Variants in GTPBP6 observed in about 807,000 individuals in gnomAD.
GTPBP6 encodes GTP binding protein 6.
Under a neutral mutation model 28.9 loss-of-function variants are expected in GTPBP6, and 33 were observed. The ratio of observed to expected loss-of-function variants is 1.14; its 90% CI spans 0.87 to 1.53. The LOEUF is 1.53. Among genes scored for constraint, GTPBP6 ranks in the 40% most tolerant of loss-of-function variants. GTPBP6 has a pLI of 0.00. For synonymous variants in GTPBP6, 231 were observed against 192.7 expected (o/e 1.20, Z -1.65); for missense variants, 507 against 408.3 (o/e 1.24, Z -2.08).
intron 2 of GTPBP6, among the ~76,000 whole-genome samples, chrX:316,178 ACACAG>A (rs2070435666): frequency 5.6e-5 from 1 of 18,008 alleles, no homozygotes. Flanking sequence ...ACAGACACAC[ACACAG>A]ACACATACAC....
In GTPBP6 at chrX:305,214, G is replaced by T; in HGVS notation, c.1428-17C>A. 6.3e-7 allele frequency: 1 copy of T among 1,587,722 alleles called. No individual in the cohort carries two copies. The highest frequency in any genetic ancestry group is 8.6e-7 in the Non-Finnish European group (1 of 1,156,118). On this transcript the variant is annotated splice_polypyrimidine_tract_variant and intron_variant, in intron 9 of 9. Coordinates refer to ENST00000326153, the Ensembl canonical transcript of GTPBP6. ...TACAGCCAGCTGGGCACAGATGCGC[G>T]TTGTATGGAGACAAGCAGAACCCGT...
chrX:308,628 C>T (rs748995206), intron 7 of GTPBP6, among the ~76,000 whole-genome samples: 3 of 151,336 alleles, frequency 2.0e-5, no homozygotes, highest in South Asian at 2.1e-4. Flanking sequence ...TGCAGTGAGC[C>T]GAGATCATAC....
At chrX:306,626 AT>A (rs1408057175) in intron 9 of GTPBP6, among the ~76,000 whole-genome samples, 2 of 148,570 alleles carry the variant, frequency 1.3e-5, no homozygotes, top group African/African-American at 2.5e-5. Context: ...AGAAATGTAC[AT>A]TTTGACTGTC....
At chrX:305,749 C>T (rs1197562106) in intron 9 of GTPBP6, among the ~76,000 whole-genome samples, 5 of 150,282 alleles carry the variant, frequency 3.3e-5, no homozygotes, top group South Asian at 4.2e-4. Context: ...CTTAGCCTCC[C>T]GAGTAGCTGG....
chrX:307,230 C>T (rs1199396529), intron 9 of GTPBP6, 130 bp downstream of exon 9: 8 of 774,416 alleles, frequency 1.0e-5, no homozygotes, highest in Non-Finnish European at 1.6e-5. Flanking sequence ...CAAACCCATT[C>T]ATCTCGTCTG....
intron 8 of GTPBP6, 68 bp from the exon 9 acceptor site, chrX:307,580 G>A (rs1829204392): frequency 1.6e-5 from 24 of 1,539,842 alleles, no homozygotes; most frequent in African/African-American, 2.7e-5. Context: ...AGGGTCCCCA[G>A]GAGTCCACTG....
At chrX:313,054 C>T in intron 5 of GTPBP6, 130 bp from the exon 6 acceptor site, 1 of 729,392 alleles carries the variant, frequency 1.4e-6, no homozygotes. Flanking sequence ...CGGCTGCTTT[C>T]CCCAGCAGCG....
At chrX:304,937 C>T in exon 10 of GTPBP6, 1 of 1,467,594 alleles carries the variant, frequency 6.8e-7, no homozygotes, top group East Asian at 2.5e-5. Flanking sequence ...CAGCAAATGG[C>T]TGGGAGCGAG....
chrX:312,014 A>G (rs2070311137), intron 6 of GTPBP6: 1 of 499,030 alleles, frequency 2.0e-6, no homozygotes, highest in Admixed American at 2.6e-5. Flanking sequence ...GATGGTGTAG[A>G]TGGGTGGATA....
At chrX:311,923 C>T (rs2070309260) in intron 6 of GTPBP6, 1 of 586,388 alleles carries the variant, frequency 1.7e-6, no homozygotes. Flanking sequence ...GTAGATTTGG[C>T]AATGGCGTAG....
intron 7 of GTPBP6, among the ~76,000 whole-genome samples, 198 bp from the exon 8 acceptor site, chrX:308,078 A>T (rs2070210953): frequency 6.6e-6 from 1 of 152,094 alleles, no homozygotes; most frequent in Non-Finnish European, 1.5e-5. Flanking sequence ...ACCCGGCTGC[A>T]CTTACCCAAC....
At position 311,445 on chromosome X, in the gene GTPBP6, C is replaced by A. The variant is rs370334798; in HGVS notation, c.1099G>T (p.Ala367Ser). 89 of 1,456,774 alleles carry A rather than the reference C, an allele frequency of 6.1e-5. No homozygotes were observed. In the African/African-American group the frequency reaches 1.3e-3, roughly 22 times the overall value. 90.2% of individuals were successfully genotyped at this position (1,456,774 alleles called of 1,614,324 possible). The stretch of plus-strand genomic sequence containing the variant: ...GAGTGGGCCACGTCTTCCAGGGTGG[C>A]GGAGAAGGACTCGATGAGGCCGTGC... Residue 367 changes from alanine (A) to serine (S), a missense_variant, in exon 7 of 10, where the codon GCC (alanine) becomes TCC (serine). Coordinates refer to ENST00000326153, the Ensembl canonical transcript of GTPBP6.
intron 6 of GTPBP6, 90 bp from the exon 7 acceptor site, chrX:311,717 CA>C: frequency 9.1e-7 from 1 of 1,101,652 alleles, no homozygotes; most frequent in Non-Finnish European, 1.4e-6. Context: ...GAGACCACGG[CA>C]CCCTCTGGGG....
chrX:311,525 G>A (rs1311652528), exon 7 of GTPBP6: 4 of 1,612,164 alleles, frequency 2.5e-6, no homozygotes, highest in African/African-American at 1.3e-5. Context: ...CATGCGTGAG[G>A]GCAGCGTGCC....
intron 5 of GTPBP6, 122 bp from the exon 6 acceptor site, chrX:313,046 G>A: frequency 1.3e-6 from 1 of 788,122 alleles, no homozygotes; most frequent in Admixed American, 2.8e-5. Context: ...TGGGGGCCCG[G>A]CTGCTTTCCC....
chrX:305,088 G>A lies in GTPBP6; in HGVS notation c.1537C>T (p.Leu513Phe). ...TGGGCGTCCGTTCATCCTGGAAAGAGCTTCCGGAATTTGCCGTAGGCTGAG... is the reference window on the plus strand; with the variant it reads ...TGGGCGTCCGTTCATCCTGGAAAGAACTTCCGGAATTTGCCGTAGGCTGAG... Residue 513 changes from leucine (L) to phenylalanine (F), a missense_variant, in exon 10 of 10, where the codon CTC becomes TTC. Coordinates refer to ENST00000326153, the Ensembl canonical transcript of GTPBP6. 4 of 1,613,190 alleles carry A rather than the reference G, an allele frequency of 2.5e-6. No individual in the cohort carries two copies. The South Asian group carries it at 4.4e-5, about 18-fold the overall frequency.
At chrX:317,601 C>T (rs1438463645) in intron 1 of GTPBP6, among the ~76,000 whole-genome samples, 2 of 151,324 alleles carry the variant, frequency 1.3e-5, no homozygotes, top group African/African-American at 4.9e-5. Flanking sequence ...CGCTGGACGC[C>T]CTCCCTTCCC....
At chrX:311,245 G>T (rs1284823000) in intron 7 of GTPBP6, among the ~76,000 whole-genome samples, 174 bp downstream of exon 7, 3,126 of 79,630 alleles carry the variant, frequency 0.039, 277 homozygotes, top group African/African-American at 0.13. Flanking sequence ...CCTGGTCCCC[G>T]TGCCCAGTGG....
chrX:310,143 T>G (rs1170874217), intron 7 of GTPBP6, among the ~76,000 whole-genome samples: 1 of 138,244 alleles, frequency 7.2e-6, no homozygotes, highest in South Asian at 2.3e-4. Flanking sequence ...GTATTGATCA[T>G]CTGGAACCTG....
Sources: allele counts gnomAD v4.1 joint callset (sites outside exome capture counted in the v4.1 genomes callset), GRCh38; gene constraint gnomAD v4.1.1; transcripts MANE v1.5; gene names NCBI Gene and HGNC (gene_info 2026-07-23, HGNC 2026-07-21).